Variants in KCNN2 observed in about 807,000 individuals in gnomAD.
KCNN2 encodes small conductance calcium-activated potassium channel protein 2.
A neutral mutation model predicts 55.5 loss-of-function variants in KCNN2; 24 were observed. The ratio of observed to expected loss-of-function variants is 0.43; its 90% CI spans 0.31 to 0.61. The LOEUF is 0.61. Ranked by LOEUF, KCNN2 falls within the 20% of genes least tolerant of loss-of-function variation. The pLI, the probability that KCNN2 is intolerant of heterozygous loss-of-function variation, is 0.08. For missense variants in KCNN2, 754 were observed against 853.6 expected, an observed-to-expected ratio of 0.88 and a Z score of 1.45; for synonymous variants, 431 against 336.1, an observed-to-expected ratio of 1.28 and a Z score of -3.09.
intron 2 of KCNN2, among the ~76,000 whole-genome samples, chr5:114,287,437 T>C (rs1755776724): frequency 6.6e-6 from 1 of 152,186 alleles, no homozygotes; most frequent in Admixed American, 6.5e-5. Context: ...GATGAGTTCA[T>C]GTCCTTTGCA....
intron 1 of KCNN2, among the ~76,000 whole-genome samples, chr5:114,165,958 T>A (rs1752901797): frequency 1.3e-5 from 2 of 152,156 alleles, no homozygotes; most frequent in South Asian, 4.1e-4. Context: ...GTTTTTTTCT[T>A]ACTGACTTTG....
chr5:114,272,397 ATATGTATGTACATATC>A (rs1755365736), intron 2 of KCNN2, among the ~76,000 whole-genome samples: 3 of 89,566 alleles, frequency 3.3e-5, no homozygotes, highest in African/African-American at 1.2e-4. Flanking sequence ...ATACACACAT[ATATGTATGTACATATC>A]TACACACATA....
At chr5:114,343,630 T>C (rs1472331620) in intron 2 of KCNN2, among the ~76,000 whole-genome samples, 1 of 151,426 alleles carries the variant, frequency 6.6e-6, no homozygotes, top group Non-Finnish European at 1.5e-5. Flanking sequence ...AATGCTCATC[T>C]CTCCAAGTGG....
intron 1 of KCNN2, among the ~76,000 whole-genome samples, chr5:114,136,517 C>T (rs1752176633): frequency 6.6e-6 from 1 of 152,164 alleles, no homozygotes; most frequent in Non-Finnish European, 1.5e-5. Flanking sequence ...AAAGAAATGG[C>T]TCAAAGATGG....
At chr5:114,439,137 AC>A (rs1371704587) in intron 3 of KCNN2, among the ~76,000 whole-genome samples, 20 of 152,222 alleles carry the variant, frequency 1.3e-4, no homozygotes, top group African/African-American at 3.6e-4. Context: ...GAGGAGCTGG[AC>A]AAATGGACGC....
intron 2 of KCNN2, among the ~76,000 whole-genome samples, chr5:114,244,902 A>G (rs74396350): frequency 0.014 from 2,158 of 152,280 alleles, 49 homozygotes; most frequent in African/African-American, 0.048. Context: ...TGGAGCTTCT[A>G]GAACTGCTGG....
At position 114,058,786 on chromosome 5, in the gene KCNN2, T is replaced by G. The variant is rs570339073; in HGVS notation, c.-271+2286T>G. Reference sequence around the variant, plus strand: ...GTTTTAAGCAGTGAAGAGATGTGATTGGGTTTAAGATTTTAAAAGACCATT... The same window carrying G: ...GTTTTAAGCAGTGAAGAGATGTGATGGGGTTTAAGATTTTAAAAGACCATT... On this transcript the variant is annotated intron_variant, in intron 1 of 10. Coordinates refer to the KCNN2 transcript ENST00000512097. Among the ~76,000 whole-genome samples the G allele has an allele frequency of 2.6e-5, 4 of 152,206 alleles. No individual in the cohort carries two copies. The East Asian group carries it at 7.7e-4, about 29-fold the overall frequency.
chr5:114,331,260 C>T (rs1442871124), intron 2 of KCNN2, among the ~76,000 whole-genome samples: 2 of 152,126 alleles, frequency 1.3e-5, no homozygotes, highest in Non-Finnish European at 2.9e-5. Flanking sequence ...ACCAATAGAG[C>T]TCACAGTGTG....
intron 1 of KCNN2, among the ~76,000 whole-genome samples, chr5:114,182,722 G>C (rs1316121800): frequency 6.6e-6 from 1 of 151,972 alleles, no homozygotes; most frequent in Non-Finnish European, 1.5e-5. Context: ...TATTAGCCTT[G>C]TATCTTCCAA....
intron 6 of KCNN2, 170 bp from the exon 7 acceptor site, chr5:114,493,233 A>G: frequency 1.5e-6 from 1 of 687,734 alleles, no homozygotes; most frequent in Non-Finnish European, 2.7e-6. Flanking sequence ...GTGTTGGGGA[A>G]GCATGCTTCT....
At chr5:114,283,494 A>G (rs1393844634) in intron 2 of KCNN2, among the ~76,000 whole-genome samples, 2 of 152,164 alleles carry the variant, frequency 1.3e-5, no homozygotes, top group Non-Finnish European at 2.9e-5. Context: ...TAGTTTCTAC[A>G]TTTGATGGTT....
chr5:114,389,519 A>G (rs866039156), intron 2 of KCNN2, among the ~76,000 whole-genome samples: 2 of 152,164 alleles, frequency 1.3e-5, no homozygotes, highest in Non-Finnish European at 2.9e-5. Flanking sequence ...GAATTGCTTC[A>G]TGTTTTATAT....
intron 1 of KCNN2, among the ~76,000 whole-genome samples, chr5:114,190,851 ATTT>A (rs2112562670): frequency 6.6e-6 from 1 of 152,242 alleles, no homozygotes; most frequent in Admixed American, 6.5e-5. Context: ...GCTTGTAGTG[ATTT>A]TTATTAGATA....
At chr5:114,063,883 C>G (rs1750383738) in intron 1 of KCNN2, among the ~76,000 whole-genome samples, 1 of 152,176 alleles carries the variant, frequency 6.6e-6, no homozygotes, top group Non-Finnish European at 1.5e-5. Context: ...CTTTTAAACT[C>G]CTGGTGTGTT....
chr5:114,080,004 G>A (rs1230937062), intron 1 of KCNN2, among the ~76,000 whole-genome samples: 1 of 152,000 alleles, frequency 6.6e-6, no homozygotes, highest in African/African-American at 2.4e-5. Context: ...ACTCTCCTGA[G>A]TTTCATTACT....
chr5:114,092,419 G>T (rs770782029), intron 1 of KCNN2, among the ~76,000 whole-genome samples: 8 of 152,190 alleles, frequency 5.3e-5, no homozygotes, highest in Non-Finnish European at 1.0e-4. Flanking sequence ...CCAGGCTGTT[G>T]TTGATTTTCT....
intron 1 of KCNN2, among the ~76,000 whole-genome samples, chr5:114,166,998 C>A (rs1752926360): frequency 6.6e-6 from 1 of 152,154 alleles, no homozygotes; most frequent in Non-Finnish European, 1.5e-5. Context: ...GACTTTCCAG[C>A]CTCCAGAATT....
chr5:114,272,264 A>C (rs1251639459), intron 2 of KCNN2, among the ~76,000 whole-genome samples: 3 of 152,118 alleles, frequency 2.0e-5, no homozygotes, highest in Non-Finnish European at 4.4e-5. Context: ...ACACACATAT[A>C]TGTATGTACA....
chr5:114,276,477 G>T (rs1447197484), intron 2 of KCNN2, among the ~76,000 whole-genome samples: 1 of 151,942 alleles, frequency 6.6e-6, no homozygotes, highest in African/African-American at 2.4e-5. Flanking sequence ...TCTCTTTTTA[G>T]GTCTCTAAGA....
Sources: gnomAD v4.1 joint callset for allele counts (sites outside exome capture counted in the v4.1 genomes callset) on GRCh38, gnomAD v4.1.1 for gene constraint, MANE v1.5 for transcripts, NCBI Gene and HGNC (gene_info 2026-07-23, HGNC 2026-07-21) for gene names.